BANP: variants seen among roughly 807,000 people sequenced by gnomAD.
BANP encodes protein BANP.
Under a neutral mutation model 68.1 loss-of-function variants are expected in BANP, and 11 were observed. The observed-to-expected ratio is 0.16, with a 90% CI of 0.10 to 0.27. BANP has a LOEUF of 0.27. Among genes scored for constraint, BANP ranks in the 10% least tolerant of loss-of-function variants. The pLI is 1.00. For synonymous variants in BANP, 329 were observed against 303.2 expected (o/e 1.09, Z -0.88); for missense variants, 504 against 722.7 (o/e 0.70, Z 3.47).
At chr16:88,051,462 C>T (rs1386337463) in intron 11 of BANP, among the ~76,000 whole-genome samples, 1 of 152,224 alleles carries the variant, frequency 6.6e-6, no homozygotes, top group African/African-American at 2.4e-5. Flanking sequence ...ATGCCTCCTT[C>T]GGGCTCAGCC....
chr16:88,061,097 C>T (rs569970157), intron 11 of BANP, among the ~76,000 whole-genome samples: 5 of 152,260 alleles, frequency 3.3e-5, no homozygotes, highest in Admixed American at 2.6e-4. Flanking sequence ...GAGTTTTTAG[C>T]CTTTGTGTTG....
At chr16:88,029,260 C>A (rs1433005366) in intron 8 of BANP, among the ~76,000 whole-genome samples, 1 of 129,382 alleles carries the variant, frequency 7.7e-6, no homozygotes, top group African/African-American at 3.0e-5. Context: ...TGAGCTGAGA[C>A]TATGCCACCA....
chr16:87,969,746 C>G (rs1409453948), intron 1 of BANP, among the ~76,000 whole-genome samples: 1 of 151,914 alleles, frequency 6.6e-6, no homozygotes, highest in East Asian at 1.9e-4. Context: ...GTTGGCTAGG[C>G]TGGTCTCGAA....
rs1229902565 is a variant in BANP at position 88,004,046 on chromosome 16, G to T, written c.363-249G>T. ...CCTGTGCTATCCAGTTGTGCAGACA[G>T]ATCACCAACAATTAGGAAAAGTTAC... is the stretch of plus-strand genomic sequence containing the variant. On this transcript the variant is annotated intron_variant, in intron 4 of 13. Transcript: ENST00000682872. The surrounding 1 kb of genome is among the most constrained non-coding windows in gnomAD (Gnocchi z 7.0). The T allele has an allele frequency of 4.4e-6, 2 of 450,818 alleles. No homozygotes were observed. Among genetic ancestry groups the T allele is most frequent in the African/African-American group, 2.0e-5 (1 of 49,962 alleles). 27.9% of individuals were successfully genotyped at this position (450,818 alleles called of 1,614,324 possible). A position where few individuals can be genotyped will look rare whatever the true frequency, so the allele number is the denominator to read the frequency against.
In BANP at chr16:88,018,151, T is replaced by C. The variant is rs2075022193; in HGVS notation, c.656-277T>C. Among the ~76,000 whole-genome samples the C allele has an allele frequency of 6.6e-6, 1 of 151,712 alleles. No individual in the cohort carries two copies. Among genetic ancestry groups the C allele is most frequent in the Non-Finnish European group, 1.5e-5 (1 of 67,972 alleles). On this transcript the variant is annotated intron_variant, in intron 6 of 13. Coordinates refer to ENST00000682872, the MANE Select transcript of BANP (RefSeq NM_001386991.1). The surrounding 1 kb of genome is among the most constrained non-coding windows in gnomAD (Gnocchi z 7.7). Reference sequence around the variant, plus strand: ...CCGGGTCCAGGGTGAGCAGAGTGTGTGACCGTGTTGGCGCTCAGGTCCCGA... The same window carrying C: ...CCGGGTCCAGGGTGAGCAGAGTGTGCGACCGTGTTGGCGCTCAGGTCCCGA...
At chr16:88,048,621 C>G (rs1174881755) in intron 11 of BANP, among the ~76,000 whole-genome samples, 1 of 151,206 alleles carries the variant, frequency 6.6e-6, no homozygotes, top group African/African-American at 2.4e-5. Context: ...TAAATCTGCA[C>G]TCACCACAGA....
At position 88,057,906 on chromosome 16, in the gene BANP, C is replaced by T. The variant is rs769409598; in HGVS notation, c.1312-7361C>T. On this transcript the variant is annotated intron_variant, in intron 11 of 13. Coordinates refer to ENST00000682872, the MANE Select transcript of BANP (RefSeq NM_001386991.1). The surrounding 1 kb of genome is among the most constrained non-coding windows in gnomAD (Gnocchi z 4.6). ...AGTGCGGTGCGGGGCAGCGAGTGGCCGCCTGTGTTCCGACAAGCCAGGCGC... is the reference window on the plus strand; with the variant it reads ...AGTGCGGTGCGGGGCAGCGAGTGGCTGCCTGTGTTCCGACAAGCCAGGCGC... 6.6e-6 allele frequency among the ~76,000 whole-genome samples: 1 copy of T among 152,056 alleles called. No homozygotes were observed. Among genetic ancestry groups the T allele is most frequent in the Non-Finnish European group, 1.5e-5 (1 of 68,014 alleles).
At chr16:88,053,358 A>C (rs2083841826) in intron 11 of BANP, among the ~76,000 whole-genome samples, 1 of 144,940 alleles carries the variant, frequency 6.9e-6, no homozygotes, top group African/African-American at 2.6e-5. Flanking sequence ...CAACCACCCT[A>C]ACAGCCACTC....
chr16:87,974,995 C>A, intron 1 of BANP, 53 bp from the exon 2 acceptor site: 1 of 813,170 alleles, frequency 1.2e-6, no homozygotes, highest in Non-Finnish European at 2.0e-6. Context: ...TTCATAATTT[C>A]ACGTGTAGCG....
chr16:88,010,683 T>C (rs1042926517), intron 6 of BANP, among the ~76,000 whole-genome samples: 2 of 152,272 alleles, frequency 1.3e-5, no homozygotes, highest in African/African-American at 2.4e-5. Flanking sequence ...AATAAAAACA[T>C]GTAGCCACGC....
intron 1 of BANP, 66 bp from the exon 2 acceptor site, chr16:87,974,982 G>C: frequency 4.0e-6 from 3 of 747,538 alleles, no homozygotes; most frequent in Non-Finnish European, 4.6e-6. Flanking sequence ...TCGGCTCGTG[G>C]TTTTCATAAT....
chr16:87,972,916 G>A (rs1201855679), intron 1 of BANP, among the ~76,000 whole-genome samples: 2 of 152,100 alleles, frequency 1.3e-5, no homozygotes, highest in African/African-American at 4.8e-5. Context: ...AGGCCCCTGT[G>A]TGGTTCTCCT....
chr16:88,012,503 G>A (rs189500898), intron 6 of BANP, among the ~76,000 whole-genome samples: 3 of 152,278 alleles, frequency 2.0e-5, no homozygotes, highest in Admixed American at 2.0e-4. Context: ...CTGAACAACC[G>A]TGCAGCCCAG....
chr16:88,055,904 G>A (rs2084884585), intron 11 of BANP, among the ~76,000 whole-genome samples: 1 of 152,334 alleles, frequency 6.6e-6, no homozygotes, highest in South Asian at 2.1e-4. Flanking sequence ...TTCTCTACCA[G>A]AAATGGTGGA....
chr16:88,011,730 T>C (rs6540140), intron 6 of BANP, among the ~76,000 whole-genome samples: 150,637 of 152,280 alleles, frequency 0.99, 74,515 homozygotes, highest in East Asian at 1. Flanking sequence ...TAGAGCGAGG[T>C]CACCCTATCA....
chr16:88,047,101 T>C (rs2082208312), intron 11 of BANP, among the ~76,000 whole-genome samples: 1 of 151,416 alleles, frequency 6.6e-6, no homozygotes, highest in Admixed American at 6.6e-5. Flanking sequence ...CATGTGAACG[T>C]GTTTTGGTGA....
At position 88,027,094 on chromosome 16, in the gene BANP, C is replaced by G. The variant is rs1418195825; in HGVS notation, c.896-389C>G. 5.3e-5 allele frequency among the ~76,000 whole-genome samples: 8 copies of G among 152,244 alleles called. No homozygotes were observed. The East Asian group carries it at 7.7e-4, about 15-fold the overall frequency. On this transcript the variant is annotated intron_variant, in intron 7 of 13. Coordinates refer to ENST00000682872, the MANE Select transcript of BANP (RefSeq NM_001386991.1). ...AATTGTTGAGGTCCCTGATCTCACC[C>G]TCTGGGCATTCAGGACCTTGGGTGC...
chr16:88,034,299 G>A (rs1344424470), intron 9 of BANP, among the ~76,000 whole-genome samples: 2 of 152,162 alleles, frequency 1.3e-5, no homozygotes, highest in Non-Finnish European at 2.9e-5. Flanking sequence ...CTTTGAAAGC[G>A]TTCCAGAGTA....
At chr16:87,970,948 C>T (rs903787164) in intron 1 of BANP, among the ~76,000 whole-genome samples, 1 of 148,100 alleles carries the variant, frequency 6.8e-6, no homozygotes, top group Non-Finnish European at 1.5e-5. Flanking sequence ...ACCCAGGAGG[C>T]GGAGGTTTCA....
Sources: allele counts gnomAD v4.1 joint callset (sites outside exome capture counted in the v4.1 genomes callset), GRCh38; gene constraint gnomAD v4.1.1; non-coding constraint Gnocchi (gnomAD v3.1); transcripts MANE v1.5; gene names NCBI Gene and HGNC (gene_info 2026-07-23, HGNC 2026-07-21).